The following KCNK12 variants were observed in gnomAD, a reference collection of about 807,000 sequenced individuals.
KCNK12 encodes the protein potassium channel subfamily K member 12.
Under a neutral mutation model 25.3 loss-of-function variants are expected in KCNK12, and 6 were observed. The ratio of observed to expected loss-of-function variants is 0.24; its 90% CI spans 0.13 to 0.47. KCNK12 has a LOEUF of 0.47. Among genes scored for constraint, KCNK12 ranks in the 20% least tolerant of loss-of-function variants. KCNK12 has a pLI of 0.99. For synonymous variants in KCNK12, 331 were observed against 311.1 expected (o/e 1.06, Z -0.67); for missense variants, 444 against 661.7 (o/e 0.67, Z 3.61).
chr2:47,526,721 A>G (rs1558548922), intron 1 of KCNK12, among the ~76,000 whole-genome samples: 1 of 152,230 alleles, frequency 6.6e-6, no homozygotes, highest in Non-Finnish European at 1.5e-5. Flanking sequence ...CGACAGAGCG[A>G]AACTCCGTCT....
rs536648288 is a variant in KCNK12, at chr2:47,533,950, G to A, written c.392-12142C>T. Among the ~76,000 whole-genome samples the A allele has an allele frequency of 6.6e-6, 1 of 152,112 alleles. No individual in the cohort carries two copies. Among genetic ancestry groups the A allele is most frequent in the South Asian group, 2.1e-4 (1 of 4,796 alleles). ...GAGAGGCTCCAGTCAGCCAGGCACAGAGAAAATGGCCCTCTGCCCCTGTTC... is the reference window on the plus strand; with the variant it reads ...GAGAGGCTCCAGTCAGCCAGGCACAAAGAAAATGGCCCTCTGCCCCTGTTC... On this transcript the variant is annotated intron_variant, in intron 1 of 1. Transcript: ENST00000327876. This position sits in a 1 kb window ranked among gnomAD's most constrained non-coding sequence, Gnocchi z 4.7.
At chr2:47,536,510 A>G (rs1360553240) in intron 1 of KCNK12, among the ~76,000 whole-genome samples, 2 of 152,336 alleles carry the variant, frequency 1.3e-5, no homozygotes, top group East Asian at 1.9e-4. Context: ...TCTTAGTTTC[A>G]GTTAACTCAA....
At position 47,525,930 on chromosome 2, in the gene KCNK12, T is replaced by G. The variant is rs942803188; in HGVS notation, c.392-4122A>C. Among the ~76,000 whole-genome samples, 1 of 152,058 alleles carries G rather than the reference T, an allele frequency of 6.6e-6. No homozygotes were observed. Among genetic ancestry groups the G allele is most frequent in the Non-Finnish European group, 1.5e-5 (1 of 67,990 alleles). ...GAAGGAATGATAGTGGCTCCAGTGA[T>G]GTAAGATCACCCCCATGCCCCATCC... On this transcript the variant is annotated intron_variant, in intron 1 of 1. Coordinates refer to ENST00000327876, the MANE Select transcript of KCNK12 (RefSeq NM_022055.2). This position sits in a 1 kb window ranked among gnomAD's most constrained non-coding sequence, Gnocchi z 4.1.
chr2:47,541,684 G>A (rs1669203341), intron 1 of KCNK12, among the ~76,000 whole-genome samples: 1 of 152,124 alleles, frequency 6.6e-6, no homozygotes, highest in South Asian at 2.1e-4. Context: ...AATATGGCTG[G>A]TGTCCTCACA....
In KCNK12 at chr2:47,520,806, G is replaced by T; in HGVS notation, c.*101C>A. 2 of 858,432 alleles carry T rather than the reference G, an allele frequency of 2.3e-6. No homozygotes were observed. 53.2% of individuals were successfully genotyped at this position (858,432 alleles called of 1,614,324 possible). A position where few individuals can be genotyped will look rare whatever the true frequency, so the allele number is the denominator to read the frequency against. ...AAAATTTTTTTTGTTTCATTTTATTGGATAAAGATTAAGAAAGCGCCAGCA... is the reference window on the plus strand; with the variant it reads ...AAAATTTTTTTTGTTTCATTTTATTTGATAAAGATTAAGAAAGCGCCAGCA... On this transcript the variant is annotated 3_prime_UTR_variant, in exon 2 of 2. Coordinates refer to ENST00000327876, the MANE Select transcript of KCNK12 (RefSeq NM_022055.2). The surrounding 1 kb of genome is among the most constrained non-coding windows in gnomAD (Gnocchi z 5.0).
intron 1 of KCNK12, among the ~76,000 whole-genome samples, chr2:47,526,335 G>A (rs1668772910): frequency 6.6e-6 from 1 of 151,354 alleles, no homozygotes; most frequent in African/African-American, 2.4e-5. Flanking sequence ...GAACCCAGGA[G>A]GCGGAGCTTG....
At position 47,521,217 on chromosome 2, in the gene KCNK12, GGCGCGCCAGGAGCCGGGCAGCAGC is replaced by G. The variant is rs1668647217; in HGVS notation, c.959_982del (p.Arg320_Ala327del). ...GGTGATGGCATTGCGCCGGGCCAGG[GGCGCGCCAGGAGCCGGGCAGCAGC>G]GCGCGCAGCAGCGGCAGCTCAGCTT... On this transcript the variant is annotated inframe_deletion, in exon 2 of 2. Coordinates refer to ENST00000327876, the MANE Select transcript of KCNK12 (RefSeq NM_022055.2). The G allele has an allele frequency of 6.3e-7, 1 of 1,578,018 alleles. No homozygotes were observed. The highest frequency in any genetic ancestry group is 8.6e-7 in the Non-Finnish European group (1 of 1,162,722).
intron 1 of KCNK12, among the ~76,000 whole-genome samples, chr2:47,541,946 C>T (rs990001865): frequency 2.6e-5 from 4 of 152,204 alleles, no homozygotes; most frequent in African/African-American, 7.2e-5. Flanking sequence ...AGAAGCCCCA[C>T]GTGGCTGCAC....
intron 1 of KCNK12, among the ~76,000 whole-genome samples, chr2:47,554,722 G>A (rs986642494): frequency 6.6e-6 from 1 of 152,222 alleles, no homozygotes; most frequent in African/African-American, 2.4e-5. Context: ...CGCTTTTAAA[G>A]ATCTCTTTGG....
Position 47,528,850 on chromosome 2 carries a change from G to A in KCNK12, c.392-7042C>T, listed in dbSNP as rs1668854410. 6.6e-6 allele frequency among the ~76,000 whole-genome samples: 1 copy of A among 152,150 alleles called. No homozygotes were observed. The highest frequency in any genetic ancestry group is 1.5e-5 in the Non-Finnish European group (1 of 68,032). ...GCATGGAAGTGAGATGGAGAGGCCA[G>A]CACTGATCTGTATCGTGCAGCCCTG... On this transcript the variant is annotated intron_variant, in intron 1 of 1. Transcript: ENST00000327876. This position sits in a 1 kb window ranked among gnomAD's most constrained non-coding sequence, Gnocchi z 4.5.
rs906354505 is a variant in KCNK12 at position 47,520,054 on chromosome 2, T to C, written c.*853A>G. The stretch of plus-strand genomic sequence containing the variant: ...AAGACTCAGATATTCCTGGTTAATA[T>C]TGAAAAGCACTGCTGTGGATGAGCT... On this transcript the variant is annotated 3_prime_UTR_variant, in exon 2 of 2. Coordinates refer to ENST00000327876, the MANE Select transcript of KCNK12 (RefSeq NM_022055.2). This position sits in a 1 kb window ranked among gnomAD's most constrained non-coding sequence, Gnocchi z 5.0. The C allele has an allele frequency of 5.9e-5, 9 of 152,216 alleles. No individual in the cohort carries two copies. The highest frequency in any genetic ancestry group is 1.0e-4 in the Non-Finnish European group (7 of 68,036). 9.4% of individuals were successfully genotyped at this position (152,216 alleles called of 1,614,324 possible). A position where few individuals can be genotyped will look rare whatever the true frequency, so the allele number is the denominator to read the frequency against.
At position 47,516,897 on chromosome 2, in the gene KCNK12, G is replaced by GAGTCCAGGCCCCA. The variant is rs1205007300; in HGVS notation, c.*3997_*4009dup. ...AGTGCCAGAGCTGCTTCAGGGGCAAGAGTCCAGGCCCCAAGTCCATGCTGA... is the reference window on the plus strand; with the variant it reads ...AGTGCCAGAGCTGCTTCAGGGGCAAGAGTCCAGGCCCCAAGTCCAGGCCCCAAGTCCATGCTGA... On this transcript the variant is annotated 3_prime_UTR_variant, in exon 2 of 2. Transcript: ENST00000327876. 11 of 152,230 alleles carry GAGTCCAGGCCCCA rather than the reference G, an allele frequency of 7.2e-5. No homozygotes were observed. The highest frequency in any genetic ancestry group is 1.2e-4 in the Non-Finnish European group (8 of 68,088). 9.4% of individuals were successfully genotyped at this position (152,230 alleles called of 1,614,324 possible).
intron 1 of KCNK12, among the ~76,000 whole-genome samples, chr2:47,537,051 G>C (rs1196589131): frequency 2.6e-5 from 4 of 152,156 alleles, no homozygotes; most frequent in Non-Finnish European, 4.4e-5. Context: ...GCCTGATCAG[G>C]GGTTCTGTGA....
In KCNK12 at chr2:47,542,797, A is replaced by G. The variant is rs544272390; in HGVS notation, c.392-20989T>C. ...AGAAGCTCACTCATGCACAGCGACA[A>G]GCAAGAAAGACATGGGAAACTGACA... On this transcript the variant is annotated intron_variant, in intron 1 of 1. Transcript: ENST00000327876. Among the ~76,000 whole-genome samples, 7 of 152,382 alleles carry G rather than the reference A, an allele frequency of 4.6e-5. No individual in the cohort carries two copies. The East Asian group carries it at 1.2e-3, about 25-fold the overall frequency.
At chr2:47,563,924 G>C (rs558650081) in intron 1 of KCNK12, 1 of 231,954 alleles carries the variant, frequency 4.3e-6, no homozygotes, top group Non-Finnish European at 8.5e-6. Context: ...CAGGAATAGC[G>C]GCAGACCATT....
rs898029176 is a variant in KCNK12, at chr2:47,510,893, G to T, written c.*10014C>A. ...TGAAGCACAGAGCAGCCTAGTGCTT[G>T]GCATGGGACTCAGATCTGAAGCAGC... On this transcript the variant is annotated 3_prime_UTR_variant, in exon 2 of 2. Coordinates refer to ENST00000327876, the MANE Select transcript of KCNK12 (RefSeq NM_022055.2). The T allele has an allele frequency of 3.3e-5, 5 of 152,212 alleles. No homozygotes were observed. The highest frequency in any genetic ancestry group is 1.2e-4 in the African/African-American group (5 of 41,440). The allele number at this position is 152,212 out of a possible 1,614,324, so 9.4% of individuals were successfully genotyped here. A position where few individuals can be genotyped will look rare whatever the true frequency, so the allele number is the denominator to read the frequency against.
chr2:47,525,234 G>T lies in KCNK12; in HGVS notation c.392-3426C>A, dbSNP rs1668743710. Among the ~76,000 whole-genome samples, 1 of 152,216 alleles carries T rather than the reference G, an allele frequency of 6.6e-6. No individual in the cohort carries two copies. The highest frequency in any genetic ancestry group is 6.5e-5 in the Admixed American group (1 of 15,288). On this transcript the variant is annotated intron_variant, in intron 1 of 1. Transcript: ENST00000327876. The surrounding 1 kb of genome is among the most constrained non-coding windows in gnomAD (Gnocchi z 4.1). ...TGTACGGAAAGGCTGGGGATTGATG[G>T]GATCTTCCATCAGTTGGGAAGTTGT...
At chr2:47,545,161 C>A (rs1669287417) in intron 1 of KCNK12, among the ~76,000 whole-genome samples, 1 of 152,044 alleles carries the variant, frequency 6.6e-6, no homozygotes, top group African/African-American at 2.4e-5. Flanking sequence ...TGGCAGAAGG[C>A]AAATGAAGGA....
rs1285825184 is a variant in KCNK12 at position 47,514,130 on chromosome 2, C to G, written c.*6777G>C. On this transcript the variant is annotated 3_prime_UTR_variant, in exon 2 of 2. Transcript: ENST00000327876. The surrounding 1 kb of genome is among the most constrained non-coding windows in gnomAD (Gnocchi z 5.0). ...ACAGTTCCCCCAACAAGGCCCTGCTCTGTTCTTCCCACACACTGCTCCTCT... is the reference window on the plus strand; with the variant it reads ...ACAGTTCCCCCAACAAGGCCCTGCTGTGTTCTTCCCACACACTGCTCCTCT... Among the ~76,000 whole-genome samples, 2 of 152,226 alleles carry G rather than the reference C, an allele frequency of 1.3e-5. No individual in the cohort carries two copies. Among genetic ancestry groups the G allele is most frequent in the Admixed American group, 6.5e-5 (1 of 15,286 alleles).
Sources: allele counts gnomAD v4.1 joint callset (sites outside exome capture counted in the v4.1 genomes callset), GRCh38; gene constraint gnomAD v4.1.1; non-coding constraint Gnocchi (gnomAD v3.1); transcripts MANE v1.5; gene names NCBI Gene and HGNC (gene_info 2026-07-23, HGNC 2026-07-21).